Variants in AFAP1 observed in about 807,000 individuals in gnomAD.
The protein encoded by AFAP1 is actin filament-associated protein 1.
AFAP1 carries 75 observed loss-of-function variants against 93.9 expected under a neutral mutation model. That is an observed-to-expected ratio of 0.80 (90% confidence interval 0.66 to 0.97). The LOEUF (loss-of-function observed/expected upper bound fraction) is 0.97. AFAP1 is among the 50% of genes least tolerant of loss of function. The pLI is 0.00. For missense variants in AFAP1, 1,201 were observed against 1,050.8 expected, an observed-to-expected ratio of 1.14 and a Z score of -1.98; for synonymous variants, 517 against 430.7, an observed-to-expected ratio of 1.20 and a Z score of -2.48.
intron 9 of AFAP1, among the ~76,000 whole-genome samples, chr4:7,801,199 C>T (rs1022675727): frequency 2.0e-5 from 3 of 152,188 alleles, no homozygotes; most frequent in African/African-American, 2.4e-5. Flanking sequence ...GGAAGCAGCC[C>T]GCAGATGGCA....
At chr4:7,868,871 ATTC>A (rs1426527574) in intron 2 of AFAP1, 152 bp from the exon 3 acceptor site, 3 of 626,728 alleles carry the variant, frequency 4.8e-6, no homozygotes, top group East Asian at 6.8e-5. Flanking sequence ...GTTAGGTATT[ATTC>A]TTCTCCATTT....
chr4:7,856,040 C>T (rs1168134549), intron 3 of AFAP1, among the ~76,000 whole-genome samples: 2 of 152,208 alleles, frequency 1.3e-5, no homozygotes, highest in East Asian at 3.9e-4. Context: ...CACAGATGCT[C>T]AGGCGCACCC....
rs1451838854 is a variant in AFAP1 at position 7,760,967 on chromosome 4, GGCCT to G, written c.*2794_*2797del. The G allele has an allele frequency of 6.6e-6, 1 of 152,208 alleles. No individual in the cohort carries two copies. Among genetic ancestry groups the G allele is most frequent in the Non-Finnish European group, 1.5e-5 (1 of 68,040 alleles). The allele number at this position is 152,208 out of a possible 1,614,324, so 9.4% of individuals were successfully genotyped here. On this transcript the variant is annotated 3_prime_UTR_variant, in exon 18 of 18. Coordinates refer to ENST00000420658, the MANE Select transcript of AFAP1 (RefSeq NM_001134647.2). ...GAAATCCGGCTTCTCCGGGGACCCT[GGCCT>G]GCCTGTCGGGCCTCTTGCCCTCAGC...
chr4:7,929,256 C>T (rs1174462084), intron 1 of AFAP1, among the ~76,000 whole-genome samples: 2 of 152,192 alleles, frequency 1.3e-5, no homozygotes, highest in East Asian at 3.9e-4. Flanking sequence ...TGTGCCACAG[C>T]TGACTGATGT....
intron 1 of AFAP1, among the ~76,000 whole-genome samples, chr4:7,902,810 G>T (rs1000921028): frequency 2.6e-5 from 4 of 152,286 alleles, no homozygotes; most frequent in African/African-American, 7.2e-5. Context: ...TACCGCAGTG[G>T]CCTGGAGCGC....
At chr4:7,910,863 T>C (rs1443181526) in intron 1 of AFAP1, among the ~76,000 whole-genome samples, 1 of 152,200 alleles carries the variant, frequency 6.6e-6, no homozygotes, top group Non-Finnish European at 1.5e-5. Context: ...GTATTCCCAC[T>C]GCGGTGAGGG....
At position 7,927,737 on chromosome 4, in the gene AFAP1, G is replaced by A. The variant is rs200971164; in HGVS notation, c.-3+11919C>T. Among the ~76,000 whole-genome samples, 20 of 152,228 alleles carry A rather than the reference G, an allele frequency of 1.3e-4. No homozygotes were observed. The East Asian group carries it at 2.7e-3, about 21-fold the overall frequency. ...GTATTTATAATATACAAAATAGCTG[G>A]AATACAGACTTAACTATGCAGAATG... On this transcript the variant is annotated intron_variant, in intron 1 of 17. Coordinates refer to ENST00000420658, the MANE Select transcript of AFAP1 (RefSeq NM_001134647.2).
chr4:7,779,843 G>A (rs767628470), intron 13 of AFAP1, among the ~76,000 whole-genome samples: 6 of 152,138 alleles, frequency 3.9e-5, no homozygotes, highest in African/African-American at 1.2e-4. Flanking sequence ...GCAAGGTCTC[G>A]CCATTAAAAA....
chr4:7,868,270 C>G (rs1716650967), intron 3 of AFAP1, among the ~76,000 whole-genome samples: 1 of 152,108 alleles, frequency 6.6e-6, no homozygotes, highest in Non-Finnish European at 1.5e-5. Context: ...AGAAGAGAGT[C>G]AAGTCCACAA....
chr4:7,807,587 G>A (rs116450132), intron 9 of AFAP1, among the ~76,000 whole-genome samples: 3,081 of 152,316 alleles, frequency 0.02, 51 homozygotes, highest in Non-Finnish European at 0.032. Flanking sequence ...AGCTTGGAAC[G>A]CACCAGGCTC....
intron 17 of AFAP1, 115 bp from the exon 18 acceptor site, chr4:7,763,906 C>T (rs1714165783): frequency 1.0e-6 from 1 of 995,980 alleles, no homozygotes; most frequent in African/African-American, 1.6e-5. Context: ...CTGCAGAAAA[C>T]TCAACAGAAT....
At chr4:7,926,282 T>C (rs971599366) in intron 1 of AFAP1, among the ~76,000 whole-genome samples, 1 of 151,730 alleles carries the variant, frequency 6.6e-6, no homozygotes, top group Non-Finnish European at 1.5e-5. Flanking sequence ...ACATGTGCCA[T>C]AATATCTAAC....
chr4:7,860,377 A>G (rs941885731), intron 3 of AFAP1, among the ~76,000 whole-genome samples: 1 of 152,040 alleles, frequency 6.6e-6, no homozygotes, highest in East Asian at 1.9e-4. Context: ...AATGCTCCAA[A>G]ATCCAAAACT....
chr4:7,780,721 G>A (rs1207694472), intron 13 of AFAP1, among the ~76,000 whole-genome samples: 2 of 151,904 alleles, frequency 1.3e-5, no homozygotes, highest in Non-Finnish European at 2.9e-5. Flanking sequence ...TACAGGGTGT[G>A]CAATGGACAG....
chr4:7,916,812 C>A (rs755887362), intron 1 of AFAP1, among the ~76,000 whole-genome samples: 1 of 152,216 alleles, frequency 6.6e-6, no homozygotes, highest in Non-Finnish European at 1.5e-5. Context: ...CCTCTTCATG[C>A]CCTCTCTCCC....
At chr4:7,922,113 G>GA (rs1340641494) in intron 1 of AFAP1, among the ~76,000 whole-genome samples, 8 of 151,500 alleles carry the variant, frequency 5.3e-5, no homozygotes, top group Non-Finnish European at 1.2e-4. Flanking sequence ...CTCCATCTTG[G>GA]AAAAAAAAGA....
intron 15 of AFAP1, chr4:7,773,776 C>T (rs776008233): frequency 1.3e-5 from 2 of 152,496 alleles, no homozygotes; most frequent in Non-Finnish European, 2.9e-5. Context: ...CATCCTGGGC[C>T]TCCTATAGGG....
intron 1 of AFAP1, among the ~76,000 whole-genome samples, chr4:7,924,770 G>A (rs1720638513): frequency 6.6e-6 from 1 of 152,108 alleles, no homozygotes; most frequent in Non-Finnish European, 1.5e-5. Context: ...AGGCCAGCCA[G>A]GCTAGCACAT....
intron 7 of AFAP1, 35 bp from the exon 8 acceptor site, chr4:7,816,134 T>A: frequency 3.8e-6 from 6 of 1,563,520 alleles, no homozygotes; most frequent in Non-Finnish European, 5.2e-6. Flanking sequence ...ATTCTTACAG[T>A]GGTCACTTGG....
Sources: gnomAD v4.1 joint callset for allele counts (sites outside exome capture counted in the v4.1 genomes callset) on GRCh38, gnomAD v4.1.1 for gene constraint, MANE v1.5 for transcripts, NCBI Gene and HGNC (gene_info 2026-07-23, HGNC 2026-07-21) for gene names.